Variants in BICC1 observed in about 807,000 individuals in gnomAD.
The protein encoded by BICC1 is BicC family RNA binding protein 1, also known as protein bicaudal C homolog 1.
Under a neutral mutation model 111.0 loss-of-function variants are expected in BICC1, and 43 were observed. The observed-to-expected ratio is 0.39, with a 90% CI of 0.30 to 0.50. The LOEUF is 0.50. Among genes scored for constraint, BICC1 ranks in the 20% least tolerant of loss-of-function variants. The pLI is 0.88. For missense variants in BICC1, 1,091 were observed against 1,203.2 expected, an observed-to-expected ratio of 0.91 and a Z score of 1.38; for synonymous variants, 467 against 434.4, an observed-to-expected ratio of 1.07 and a Z score of -0.93.
chr10:58,672,297 A>G (rs927021159), intron 2 of BICC1, among the ~76,000 whole-genome samples: 1 of 152,012 alleles, frequency 6.6e-6, no homozygotes, highest in African/African-American at 2.4e-5. Flanking sequence ...CTTCTCTCTC[A>G]TTCAGACTTA....
chr10:58,693,028 C>T (rs116564860), intron 2 of BICC1, among the ~76,000 whole-genome samples: 209 of 152,170 alleles, frequency 1.4e-3, no homozygotes, highest in African/African-American at 4.8e-3. Context: ...CACCCCACAA[C>T]ATTCCCGAAG....
In BICC1 at chr10:58,663,318, C is replaced by T. The variant is rs113653664; in HGVS notation, c.238-38756C>T. 8.4e-3 allele frequency among the ~76,000 whole-genome samples: 1,273 copies of T among 152,250 alleles called. 22 individuals are homozygous for T. The highest frequency in any genetic ancestry group is 0.029 in the African/African-American group (1,213 of 41,550). Reference sequence around the variant, plus strand: ...CTGTCCTCAGGTGATCCACCCACCTCGGCCTCCCAAAGTGCTGGGGTTACA... The same window carrying T: ...CTGTCCTCAGGTGATCCACCCACCTTGGCCTCCCAAAGTGCTGGGGTTACA... On this transcript the variant is annotated intron_variant, in intron 2 of 20. Coordinates refer to ENST00000373886, the MANE Select transcript of BICC1 (RefSeq NM_001080512.3).
chr10:58,605,194 T>G (rs888091833), intron 1 of BICC1, among the ~76,000 whole-genome samples: 3 of 152,204 alleles, frequency 2.0e-5, no homozygotes, highest in African/African-American at 7.2e-5. Flanking sequence ...GCCTAGAATA[T>G]TAAAAATCGT....
At chr10:58,669,974 G>A (rs1839132662) in intron 2 of BICC1, among the ~76,000 whole-genome samples, 1 of 152,242 alleles carries the variant, frequency 6.6e-6, no homozygotes, top group South Asian at 2.1e-4. Context: ...AAAGGAAGAA[G>A]AATGTGCTCT....
intron 2 of BICC1, among the ~76,000 whole-genome samples, chr10:58,637,576 G>C (rs1198071623): frequency 6.6e-6 from 1 of 152,180 alleles, no homozygotes; most frequent in African/African-American, 2.4e-5. Flanking sequence ...TCAGCTTTTG[G>C]CTTTACAGCC....
Position 58,552,932 on chromosome 10 carries a change from T to C in BICC1, c.190+39599T>C, listed in dbSNP as rs138895052. Among the ~76,000 whole-genome samples, 447 of 152,332 alleles carry C rather than the reference T, an allele frequency of 2.9e-3. 1 individual carries two copies. Among genetic ancestry groups the C allele is most frequent in the African/African-American group, 1.0e-2 (415 of 41,594 alleles). On this transcript the variant is annotated intron_variant, in intron 1 of 20. Coordinates refer to ENST00000373886, the MANE Select transcript of BICC1 (RefSeq NM_001080512.3). ...ACGTAGGCATGGGCTTTCAGACAGA[T>C]ATATAATATTTTAGTTATTATTTTA... is the stretch of plus-strand genomic sequence containing the variant.
chr10:58,534,281 C>G (rs563537870), intron 1 of BICC1, among the ~76,000 whole-genome samples: 2 of 151,562 alleles, frequency 1.3e-5, no homozygotes, highest in African/African-American at 2.4e-5. Flanking sequence ...ACTTTTTTTT[C>G]AAGAAGCAAC....
At chr10:58,566,487 A>G (rs1843768897) in intron 1 of BICC1, among the ~76,000 whole-genome samples, 1 of 152,136 alleles carries the variant, frequency 6.6e-6, no homozygotes, top group Non-Finnish European at 1.5e-5. Flanking sequence ...TCCTTTTTGT[A>G]TAATGACTTC....
Position 58,767,431 on chromosome 10 carries a change from G to A in BICC1, c.308-17570G>A, listed in dbSNP as rs73294893. The stretch of plus-strand genomic sequence containing the variant: ...TCTAGCCAGGCTGACTGGTGAAGGA[G>A]TTCCTCTCCCCAAAGCTAGTCAGTA... On this transcript the variant is annotated intron_variant, in intron 3 of 20. Coordinates refer to ENST00000373886, the MANE Select transcript of BICC1 (RefSeq NM_001080512.3). Among the ~76,000 whole-genome samples, 418 of 152,196 alleles carry A rather than the reference G, an allele frequency of 2.7e-3. 1 individual carries two copies. The highest frequency in any genetic ancestry group is 9.6e-3 in the African/African-American group (397 of 41,522).
intron 1 of BICC1, among the ~76,000 whole-genome samples, chr10:58,619,107 A>G (rs780174376): frequency 3.3e-5 from 5 of 152,322 alleles, no homozygotes; most frequent in Non-Finnish European, 7.3e-5. Context: ...CATCTGGCTA[A>G]TTCAATATAA....
intron 18 of BICC1, among the ~76,000 whole-genome samples, chr10:58,814,598 T>C (rs951543219): frequency 3.0e-5 from 4 of 134,128 alleles, no homozygotes; most frequent in Non-Finnish European, 6.2e-5. Context: ...CTGGGCAACA[T>C]AGTGAGATTT....
intron 3 of BICC1, among the ~76,000 whole-genome samples, chr10:58,749,879 T>C (rs372623191): frequency 4.6e-5 from 7 of 152,268 alleles, no homozygotes; most frequent in East Asian, 1.9e-4. Context: ...TAGAGTTAGT[T>C]ACCAGCTGAA....
At chr10:58,562,382 C>T (rs1348920585) in intron 1 of BICC1, among the ~76,000 whole-genome samples, 1 of 152,010 alleles carries the variant, frequency 6.6e-6, no homozygotes, top group Non-Finnish European at 1.5e-5. Context: ...TCAGTCTCTT[C>T]TGCTTGATCT....
intron 3 of BICC1, among the ~76,000 whole-genome samples, chr10:58,767,318 G>T (rs1842483788): frequency 6.6e-6 from 1 of 152,160 alleles, no homozygotes; most frequent in Admixed American, 6.5e-5. Flanking sequence ...TTGAGAGAAG[G>T]TACACAATCT....
intron 9 of BICC1, 96 bp from the exon 10 acceptor site, chr10:58,796,244 C>A: frequency 9.7e-7 from 1 of 1,026,478 alleles, no homozygotes. Context: ...GAGTGGAATT[C>A]TTATTAGCGT....
intron 1 of BICC1, among the ~76,000 whole-genome samples, chr10:58,539,389 G>A (rs1007819796): frequency 6.6e-6 from 1 of 151,450 alleles, no homozygotes; most frequent in Non-Finnish European, 1.5e-5. Context: ...GACTCAGAAG[G>A]CTGGCAAGCA....
chr10:58,594,952 A>G (rs1054006908), intron 1 of BICC1, among the ~76,000 whole-genome samples: 1 of 152,218 alleles, frequency 6.6e-6, no homozygotes, highest in Non-Finnish European at 1.5e-5. Flanking sequence ...CAGACCCATC[A>G]GTGTGCTGTA....
At chr10:58,746,864 G>A (rs959083555) in intron 3 of BICC1, among the ~76,000 whole-genome samples, 4 of 152,156 alleles carry the variant, frequency 2.6e-5, no homozygotes, top group Non-Finnish European at 4.4e-5. Flanking sequence ...GTCAACAGCA[G>A]GGAAATAATT....
chr10:58,742,431 A>ATTTT (rs554670544), intron 3 of BICC1, among the ~76,000 whole-genome samples: 23 of 94,160 alleles, frequency 2.4e-4, no homozygotes, highest in South Asian at 3.6e-4. Context: ...GTATGCTTTA[A>ATTTT]TTTTTTTTTT....
Sources: gnomAD v4.1 joint callset for allele counts (sites outside exome capture counted in the v4.1 genomes callset) on GRCh38, gnomAD v4.1.1 for gene constraint, MANE v1.5 for transcripts, NCBI Gene and HGNC (gene_info 2026-07-23, HGNC 2026-07-21) for gene names.